LINGO2: variants seen among roughly 807,000 people sequenced by gnomAD.
LINGO2 encodes leucine-rich repeat and immunoglobulin-like domain-containing nogo receptor-interacting protein 2.
Under a neutral mutation model 30.6 loss-of-function variants are expected in LINGO2, and 14 were observed. The ratio of observed to expected loss-of-function variants is 0.46; its 90% CI spans 0.30 to 0.72. The LOEUF is 0.72. LINGO2 is among the 30% of genes least tolerant of loss of function. The pLI is 0.07. For synonymous variants in LINGO2, 317 were observed against 288.5 expected, an observed-to-expected ratio of 1.10 and a Z score of -1.00; for missense variants, 729 against 751.7, an observed-to-expected ratio of 0.97 and a Z score of 0.35.
At chr9:27,972,418 C>A (rs1820399960) in intron 5 of LINGO2, among the ~76,000 whole-genome samples, 1 of 152,180 alleles carries the variant, frequency 6.6e-6, no homozygotes, top group Admixed American at 6.5e-5. Flanking sequence ...GGAGAGTTTC[C>A]CCTTCTTATC....
the LINGO2 span, among the ~76,000 whole-genome samples, chr9:29,146,458 A>G: frequency 2.0e-5 from 3 of 152,168 alleles, no homozygotes; most frequent in Admixed American, 6.5e-5. Flanking sequence ...TTTGCCCACA[A>G]TTACTTTTGC....
intron 4 of LINGO2, among the ~76,000 whole-genome samples, chr9:28,018,940 ATG>A (rs1413911341): frequency 2.6e-5 from 4 of 152,200 alleles, no homozygotes; most frequent in Non-Finnish European, 5.9e-5. Flanking sequence ...ATGGGATACT[ATG>A]TAGCCATAAA....
At chr9:28,119,664 C>A (rs1827036103) in intron 4 of LINGO2, among the ~76,000 whole-genome samples, 1 of 152,120 alleles carries the variant, frequency 6.6e-6, no homozygotes, top group Non-Finnish European at 1.5e-5. Context: ...AAGTTACTCC[C>A]CTCTCCAGAT....
chr9:29,191,732 G>C, the LINGO2 span, among the ~76,000 whole-genome samples: 556 of 152,178 alleles, frequency 3.7e-3, 3 homozygotes, highest in African/African-American at 0.013. Context: ...TGCATGTTTC[G>C]CTATTCACTA....
intron 4 of LINGO2, among the ~76,000 whole-genome samples, chr9:28,190,099 G>A (rs1046716423): frequency 1.3e-5 from 2 of 152,082 alleles, no homozygotes; most frequent in Non-Finnish European, 2.9e-5. Context: ...TTTTGACGTG[G>A]TATGGCCAAG....
chr9:28,191,611 A>G (rs1388467112), intron 4 of LINGO2, among the ~76,000 whole-genome samples: 1 of 152,058 alleles, frequency 6.6e-6, no homozygotes, highest in Non-Finnish European at 1.5e-5. Flanking sequence ...AAAAATATTT[A>G]ATGAGCATCT....
At chr9:28,888,561 C>G in the LINGO2 span, among the ~76,000 whole-genome samples, 1 of 152,040 alleles carries the variant, frequency 6.6e-6, no homozygotes, top group Non-Finnish European at 1.5e-5. Flanking sequence ...TATAAATTAT[C>G]TTTCACATAA....
In LINGO2 at chr9:28,148,025, C is replaced by T. The variant is rs1189630208; in HGVS notation, c.-86-135620G>A. ...AAGCATATTTTGTTCCTGGTTCCGC[C>T]ACAGGTCCTGGCCATGCCATTGGCA... is the stretch of plus-strand genomic sequence containing the variant. On this transcript the variant is annotated intron_variant, in intron 4 of 5. Transcript: ENST00000379992. This position sits in a 1 kb window ranked among gnomAD's most constrained non-coding sequence, Gnocchi z 5.1. Among the ~76,000 whole-genome samples the T allele has an allele frequency of 5.3e-5, 8 of 152,130 alleles. No homozygotes were observed. The highest frequency in any genetic ancestry group is 9.7e-5 in the African/African-American group (4 of 41,428).
chr9:28,365,461 A>G (rs560581809), intron 3 of LINGO2, among the ~76,000 whole-genome samples: 1 of 152,288 alleles, frequency 6.6e-6, no homozygotes, highest in South Asian at 2.1e-4. Context: ...GTATAGTGAA[A>G]TACCAGAAAG....
At chr9:29,134,507 A>G in the LINGO2 span, among the ~76,000 whole-genome samples, 1 of 152,194 alleles carries the variant, frequency 6.6e-6, no homozygotes, top group African/African-American at 2.4e-5. Flanking sequence ...AACCACATAT[A>G]TAATAGCCAG....
chr9:28,020,347 G>A (rs111484554), intron 4 of LINGO2, among the ~76,000 whole-genome samples: 22 of 152,148 alleles, frequency 1.4e-4, no homozygotes, highest in African/African-American at 2.9e-4. Context: ...TAACCAATAC[G>A]GTGAAACCTC....
At chr9:28,215,195 T>C (rs1399250787) in intron 4 of LINGO2, among the ~76,000 whole-genome samples, 2 of 151,838 alleles carry the variant, frequency 1.3e-5, no homozygotes, top group East Asian at 1.9e-4. Context: ...GTGGGTTATA[T>C]AGCTATGATA....
At chr9:28,503,585 T>C (rs1026255329) in intron 1 of LINGO2, among the ~76,000 whole-genome samples, 13 of 152,018 alleles carry the variant, frequency 8.6e-5, no homozygotes, top group Admixed American at 8.5e-4. Flanking sequence ...AAAAAATTGT[T>C]ATTTAGAAAA....
At chr9:28,532,280 T>G (rs1821263622) in intron 1 of LINGO2, among the ~76,000 whole-genome samples, 1 of 152,048 alleles carries the variant, frequency 6.6e-6, no homozygotes, top group Admixed American at 6.6e-5. Flanking sequence ...AAAAGAGAGG[T>G]TTCATATCAG....
chr9:29,094,055 T>C, the LINGO2 span, among the ~76,000 whole-genome samples: 2 of 139,014 alleles, frequency 1.4e-5, no homozygotes, highest in Non-Finnish European at 3.1e-5. Flanking sequence ...GCCATCTATA[T>C]ACTCTAGTTT....
intron 3 of LINGO2, among the ~76,000 whole-genome samples, chr9:28,335,519 G>A (rs1825561185): frequency 6.6e-6 from 1 of 152,158 alleles, no homozygotes; most frequent in African/African-American, 2.4e-5. Flanking sequence ...ATTCCAGGAA[G>A]ATGGGCTTAT....
At chr9:29,111,889 T>G in the LINGO2 span, among the ~76,000 whole-genome samples, 2 of 150,222 alleles carry the variant, frequency 1.3e-5, no homozygotes, top group Non-Finnish European at 3.0e-5. Flanking sequence ...ATACATATAT[T>G]TATATATGTG....
At chr9:29,120,566 T>C in the LINGO2 span, among the ~76,000 whole-genome samples, 1 of 152,192 alleles carries the variant, frequency 6.6e-6, no homozygotes. Context: ...CTTAAGGTCA[T>C]AAGTTCCTCA....
chr9:28,242,597 A>G (rs1821839920), intron 4 of LINGO2, among the ~76,000 whole-genome samples: 1 of 152,176 alleles, frequency 6.6e-6, no homozygotes, highest in African/African-American at 2.4e-5. Flanking sequence ...AGACAGGCCA[A>G]CATTCAAATT....
Sources: gnomAD v4.1 joint callset for allele counts (sites outside exome capture counted in the v4.1 genomes callset) on GRCh38, gnomAD v4.1.1 for gene constraint, Gnocchi (gnomAD v3.1) non-coding constraint, MANE v1.5 for transcripts, NCBI Gene and HGNC (gene_info 2026-07-23, HGNC 2026-07-21) for gene names.